Variants in RNF139 observed in about 807,000 individuals in gnomAD.
The protein encoded by RNF139 is ring finger protein 139, also known as E3 ubiquitin-protein ligase RNF139.
A neutral mutation model predicts 49.5 loss-of-function variants in RNF139; 15 were observed. The ratio of observed to expected loss-of-function variants is 0.30; its 90% CI spans 0.20 to 0.47. The LOEUF is 0.47. Ranked by LOEUF, RNF139 falls within the 20% of genes least tolerant of loss-of-function variation. The probability of loss-of-function intolerance (pLI) is 1.00; values close to 1 mark genes in which losing one functional copy is unlikely to be tolerated. For synonymous variants in RNF139, 325 were observed against 300.9 expected (o/e 1.08, Z -0.83); for missense variants, 619 against 806.3 (o/e 0.77, Z 2.81).
In RNF139 at chr8:124,485,903, CCTTT is replaced by C. The variant is rs749078646; in HGVS notation, c.257_260del (p.Phe86CysfsTer2). 9 of 1,613,880 alleles carry C rather than the reference CCTTT, an allele frequency of 5.6e-6. No homozygotes were observed. Among genetic ancestry groups the C allele is most frequent in the Admixed American group, 3.3e-5 (2 of 60,010 alleles). ...TTCAAGTTTTACACGTACAGCTCAG[CCTTT>C]CTGTTAGCTGCAACTTCAGTGTTGG... On this transcript the variant is annotated frameshift_variant, in exon 2 of 2. Coordinates refer to ENST00000303545, the MANE Select transcript of RNF139 (RefSeq NM_007218.4). LOFTEE classifies it high-confidence loss of function.
chr8:124,482,961 A>G (rs1225333482), intron 1 of RNF139, among the ~76,000 whole-genome samples: 1 of 76,892 alleles, frequency 1.3e-5, no homozygotes, highest in Non-Finnish European at 2.8e-5. Flanking sequence ...TATATATAAT[A>G]TATATATATT....
rs922218362 is a variant in RNF139 at position 124,475,035 on chromosome 8, GC to G, written c.-70del. ...GGCGGAGTTGCCCGCCTTAGCCCCC[GC>G]CCCCGGCCGCGGCCCCGGGCCCTGC... is the stretch of plus-strand genomic sequence containing the variant. On this transcript the variant is annotated 5_prime_UTR_variant, in exon 1 of 2. Transcript: ENST00000303545. 9.4e-7 allele frequency: 1 copy of G among 1,068,752 alleles called. No homozygotes were observed. Among genetic ancestry groups the G allele is most frequent in the South Asian group, 4.3e-5 (1 of 23,220 alleles). The allele number at this position is 1,068,752 out of a possible 1,614,324, so 66.2% of individuals were successfully genotyped here.
chr8:124,486,319 T>C lies in RNF139; in HGVS notation c.670T>C (p.Leu224=), dbSNP rs770779668. The C allele has an allele frequency of 9.3e-6, 15 of 1,614,014 alleles. No individual in the cohort carries two copies. Residue 224 remains leucine, a synonymous_variant, in exon 2 of 2, where the codon TTG becomes CTG. Transcript: ENST00000303545. ...HMYRIYGLQL[L]MEDTWKRIRF... is the part of the protein sequence containing the mutation. ...GTATCGAATTTACGGATTACAGTTATTGATGGAGGACACATGGAAGAGGAT... is the reference window on the plus strand; with the variant it reads ...GTATCGAATTTACGGATTACAGTTACTGATGGAGGACACATGGAAGAGGAT...
rs1563631168 is a variant in RNF139 at position 124,483,006 on chromosome 8, TAAAAATATATATATATA to T, written c.182-2824_182-2808del. On this transcript the variant is annotated intron_variant, in intron 1 of 1. Coordinates refer to ENST00000303545, the MANE Select transcript of RNF139 (RefSeq NM_007218.4). ...TATATATATTTAAAAATATATATAT[TAAAAATATATATATATA>T]TTTAAATATATATATATTTAAAAAT... Among the ~76,000 whole-genome samples the T allele has an allele frequency of 3.3e-4, 27 of 82,724 alleles. 3 individuals are homozygous for T. In the Admixed American group the frequency reaches 4.2e-3, roughly 13 times the overall value. 54.3% of individuals were successfully genotyped at this position (82,724 alleles called of 152,430 possible). A position where few individuals can be genotyped will look rare whatever the true frequency, so the allele number is the denominator to read the frequency against.
rs752961014 is a variant in RNF139 at position 124,475,159 on chromosome 8, A to G, written c.50A>G (p.Gln17Arg). The change falls in exon 1 of 2, where the codon CAG becomes CGG. Residue 17 changes from glutamine to arginine, a missense_variant. Physicochemically the swap from Gln to Arg is conservative, Grantham distance 43 (BLOSUM62 1). This residue lies in a region of RNF139 where 89 missense variants were observed against 77.5 expected (regional missense o/e 1.15). Coordinates refer to ENST00000303545, the MANE Select transcript of RNF139 (RefSeq NM_007218.4). ...CAGCAGGTGCGGATGGCCCATCAGCAGGTCTGGGCGGCGCTCGAAGTGGCG... is the reference window on the plus strand; with the variant it reads ...CAGCAGGTGCGGATGGCCCATCAGCGGGTCTGGGCGGCGCTCGAAGTGGCG... ...PQQQVRMAHQ[Q>R]VWAALEVALR... The G allele has an allele frequency of 1.2e-6, 2 of 1,611,076 alleles. No individual in the cohort carries two copies. Among genetic ancestry groups the G allele is most frequent in the African/African-American group, 2.7e-5 (2 of 74,662 alleles).
chr8:124,478,543 G>A (rs13254054), intron 1 of RNF139, among the ~76,000 whole-genome samples: 1 of 150,620 alleles, frequency 6.6e-6, no homozygotes, highest in Admixed American at 6.6e-5. Context: ...GGGAGGTGGA[G>A]GTTGCAGTGA....
intron 1 of RNF139, among the ~76,000 whole-genome samples, chr8:124,484,227 G>A (rs935575719): frequency 1.3e-5 from 2 of 152,256 alleles, no homozygotes; most frequent in East Asian, 1.9e-4. Flanking sequence ...GAGCACTGAT[G>A]TGTGTGTGTT....
intron 1 of RNF139, among the ~76,000 whole-genome samples, chr8:124,477,344 A>T (rs1816330472): frequency 6.6e-6 from 1 of 152,230 alleles, no homozygotes; most frequent in Non-Finnish European, 1.5e-5. Context: ...TTACTAAAAG[A>T]CACAGGTTTG....
At chr8:124,476,964 G>T (rs139248196) in intron 1 of RNF139, among the ~76,000 whole-genome samples, 99 of 152,288 alleles carry the variant, frequency 6.5e-4, no homozygotes, top group African/African-American at 2.4e-3. Context: ...GGAAGTTTGT[G>T]TTTGACAAAG....
chr8:124,486,487 C>A lies in RNF139; in HGVS notation c.838C>A (p.Leu280Ile). ...WDDFWDLICN[L>I]IISGCDSTLT... ...TGATTTTTGGGACCTCATTTGCAAT[C>A]TTATAATTAGTGGGTGCGATTCTAC... Residue 280 changes from leucine (L) to isoleucine (I), a missense_variant, in exon 2 of 2, where the codon CTT (leucine) becomes ATT (isoleucine). Leu to Ile is a conservative substitution (Grantham distance 5). This residue lies in a region of RNF139 where 530 missense variants were observed against 728.9 expected (regional missense o/e 0.73). Transcript: ENST00000303545. 1 of 1,613,998 alleles carries A rather than the reference C, an allele frequency of 6.2e-7. No homozygotes were observed. Among genetic ancestry groups the A allele is most frequent in the Non-Finnish European group, 8.5e-7 (1 of 1,179,956 alleles).
Position 124,486,389 on chromosome 8 carries a change from C to A in RNF139, c.740C>A (p.Thr247Lys), listed in dbSNP as rs764633307. 6.2e-7 allele frequency: 1 copy of A among 1,614,136 alleles called. No individual in the cohort carries two copies. The highest frequency in any genetic ancestry group is 1.1e-5 in the South Asian group (1 of 91,084). ...ILRVFWLTRVTAQATVLMYIL... is the reference protein window; with the variant it reads ...ILRVFWLTRVKAQATVLMYIL... ...CGAGTCTTTTGGCTAACAAGAGTTA[C>A]AGCTCAGGCTACAGTGTTAATGTAC... is the stretch of plus-strand genomic sequence containing the variant. The change falls in exon 2 of 2, where the codon ACA (threonine) becomes AAA (lysine). Residue 247 changes from threonine to lysine, a missense_variant. Transcript: ENST00000303545.
At chr8:124,484,181 G>T (rs1167087055) in intron 1 of RNF139, among the ~76,000 whole-genome samples, 1 of 152,182 alleles carries the variant, frequency 6.6e-6, no homozygotes, top group Non-Finnish European at 1.5e-5. Flanking sequence ...TGTAGCTATA[G>T]TGGAGAAAGG....
At chr8:124,483,058 AAAAATATATATATAT>A (rs1563631301) in intron 1 of RNF139, among the ~76,000 whole-genome samples, 9 of 27,840 alleles carry the variant, frequency 3.2e-4, no homozygotes, top group Non-Finnish European at 6.7e-4. Context: ...TATATCTATT[AAAAATATATATATAT>A]TATTTAAATA....
rs1816576448 is a variant in RNF139 at position 124,488,113 on chromosome 8, A to C, written c.*469A>C. On this transcript the variant is annotated 3_prime_UTR_variant, in exon 2 of 2. Transcript: ENST00000303545. ...GATAAAGGACATGAGAGAGTATTTT[A>C]AAACTAAAGAAAAAATTAGCTGCCA... 6.6e-6 allele frequency among the ~76,000 whole-genome samples: 1 copy of C among 152,222 alleles called. No individual in the cohort carries two copies.
chr8:124,476,283 C>A (rs1816312977), intron 1 of RNF139, among the ~76,000 whole-genome samples: 2 of 152,164 alleles, frequency 1.3e-5, no homozygotes, highest in African/African-American at 4.8e-5. Context: ...CCATATTTTA[C>A]ATTTATCTGG....
Position 124,486,850 on chromosome 8 carries a change from A to G in RNF139, c.1201A>G (p.Ile401Val), listed in dbSNP as rs147220970. Residue 401 changes from isoleucine to valine, a missense_variant, in exon 2 of 2, where the codon ATT (isoleucine) becomes GTT (valine). Ile to Val is a conservative substitution (Grantham distance 29). Around this residue, in one of 2 missense-constraint regions of RNF139, gnomAD observed 530 missense variants for 728.9 expected, o/e 0.73. Transcript: ENST00000303545. ...GCTGTTTGTCTCTGCTTGCCTGTTT[A>G]TTCTTCCTGTCTTACTCAGTTATGT... is the stretch of plus-strand genomic sequence containing the variant. Reference protein sequence around the residue: ...PVLFVSACLFILPVLLSYVLW... With the variant: ...PVLFVSACLFVLPVLLSYVLW... 286 of 1,613,520 alleles carry G rather than the reference A, an allele frequency of 1.8e-4. No homozygotes were observed. In the African/African-American group the frequency reaches 3.4e-3, roughly 19 times the overall value.
chr8:124,482,351 G>C (rs1242832633), intron 1 of RNF139, among the ~76,000 whole-genome samples: 1 of 152,072 alleles, frequency 6.6e-6, no homozygotes, highest in Non-Finnish European at 1.5e-5. Flanking sequence ...CTCATGAATA[G>C]TTACTGAAGA....
intron 1 of RNF139, among the ~76,000 whole-genome samples, chr8:124,484,106 A>G (rs1354649962): frequency 1.3e-5 from 2 of 152,154 alleles, no homozygotes; most frequent in African/African-American, 2.4e-5. Context: ...GATAGGTAGG[A>G]TTTGAATAGT....
chr8:124,476,380 C>T (rs569630230), intron 1 of RNF139, among the ~76,000 whole-genome samples: 1 of 152,266 alleles, frequency 6.6e-6, no homozygotes, highest in African/African-American at 2.4e-5. Flanking sequence ...GTGGTATTGT[C>T]ATTTTACAAA....
Sources: gnomAD v4.1 joint callset for allele counts (sites outside exome capture counted in the v4.1 genomes callset) on GRCh38, gnomAD v4.1.1 for gene constraint, gnomAD v4.1.1 regional missense constraint, MANE v1.5 for transcripts, NCBI Gene and HGNC (gene_info 2026-07-23, HGNC 2026-07-21) for gene names.